The following AGPS variants were observed in gnomAD, a reference collection of about 807,000 sequenced individuals.
The protein encoded by AGPS is alkyldihydroxyacetonephosphate synthase, peroxisomal.
A neutral mutation model predicts 90.7 loss-of-function variants in AGPS; 26 were observed. The observed-to-expected ratio is 0.29, with a 90% CI of 0.21 to 0.40. The LOEUF is 0.40. AGPS is among the 10% of genes least tolerant of loss of function. The pLI is 1.00. For missense variants in AGPS, 540 were observed against 816.1 expected (o/e 0.66, Z 4.12); for synonymous variants, 294 against 285.3 (o/e 1.03, Z -0.31).
At chr2:177,526,418 CG>C (rs2079088140) in intron 19 of AGPS, among the ~76,000 whole-genome samples, 1 of 151,924 alleles carries the variant, frequency 6.6e-6, no homozygotes, top group Non-Finnish European at 1.5e-5. Context: ...TTAGTAGAGA[CG>C]GGTTTTCACC....
chr2:177,533,813 T>G (rs764208735), intron 19 of AGPS, among the ~76,000 whole-genome samples: 19 of 152,180 alleles, frequency 1.2e-4, no homozygotes, highest in Non-Finnish European at 2.4e-4. Context: ...AATGCTCAGA[T>G]CACTCGTATA....
chr2:177,437,661 G>A (rs941239918), intron 5 of AGPS, among the ~76,000 whole-genome samples: 1 of 152,090 alleles, frequency 6.6e-6, no homozygotes, highest in Non-Finnish European at 1.5e-5. Flanking sequence ...AGCAAGATGG[G>A]TATATTGTTC....
intron 17 of AGPS, among the ~76,000 whole-genome samples, chr2:177,514,599 G>T (rs1432930975): frequency 6.6e-6 from 1 of 152,102 alleles, no homozygotes; most frequent in Non-Finnish European, 1.5e-5. Context: ...TCCAAGACTA[G>T]AAATATTTCT....
At chr2:177,457,106 G>A (rs566497417) in intron 8 of AGPS, among the ~76,000 whole-genome samples, 2 of 152,264 alleles carry the variant, frequency 1.3e-5, no homozygotes, top group African/African-American at 4.8e-5. Flanking sequence ...GGTAGATAAC[G>A]AAATGAAGGC....
intron 1 of AGPS, among the ~76,000 whole-genome samples, chr2:177,408,413 A>G (rs1186981718): frequency 6.6e-6 from 1 of 152,242 alleles, no homozygotes; most frequent in African/African-American, 2.4e-5. Flanking sequence ...TTTTATAAAC[A>G]TACATGAACT....
At chr2:177,409,272 G>C (rs1409227452) in intron 1 of AGPS, among the ~76,000 whole-genome samples, 1 of 151,656 alleles carries the variant, frequency 6.6e-6, no homozygotes, top group East Asian at 1.9e-4. Flanking sequence ...AGTGAAAACA[G>C]AGCCCATACA....
chr2:177,405,679 T>TG (rs1559032742), intron 1 of AGPS, among the ~76,000 whole-genome samples: 1 of 151,356 alleles, frequency 6.6e-6, no homozygotes, highest in Admixed American at 6.6e-5. Context: ...TGTTGTTTTT[T>TG]TTTTTTTTTC....
chr2:177,438,749 C>A (rs1686499103), intron 5 of AGPS, among the ~76,000 whole-genome samples: 1 of 152,162 alleles, frequency 6.6e-6, no homozygotes, highest in African/African-American at 2.4e-5. Context: ...GTATTCCTGG[C>A]TGAATCAAGT....
chr2:177,524,164 C>T (rs911874486), intron 19 of AGPS, among the ~76,000 whole-genome samples: 3 of 152,112 alleles, frequency 2.0e-5, no homozygotes, highest in Non-Finnish European at 4.4e-5. Flanking sequence ...CAGCCACTAT[C>T]GGAATGTAGC....
At chr2:177,533,561 C>T (rs1269205081) in intron 19 of AGPS, among the ~76,000 whole-genome samples, 1 of 152,160 alleles carries the variant, frequency 6.6e-6, no homozygotes, top group Non-Finnish European at 1.5e-5. Context: ...AGCTTTGGAT[C>T]TCTAAAGAGA....
intron 19 of AGPS, 120 bp from the exon 20 acceptor site, chr2:177,537,954 C>T (rs1559089238): frequency 7.2e-7 from 1 of 1,396,532 alleles, no homozygotes; most frequent in Non-Finnish European, 1.0e-6. Flanking sequence ...TAAAGCAAAA[C>T]ATTTCTCATT....
intron 14 of AGPS, among the ~76,000 whole-genome samples, chr2:177,504,706 G>T: frequency 6.6e-6 from 1 of 151,972 alleles, no homozygotes; most frequent in Admixed American, 6.6e-5. Context: ...TAATTGAGGT[G>T]ATAAGATAAA....
At chr2:177,531,398 G>A (rs1390045634) in intron 19 of AGPS, among the ~76,000 whole-genome samples, 1 of 152,090 alleles carries the variant, frequency 6.6e-6, no homozygotes, top group Non-Finnish European at 1.5e-5. Flanking sequence ...ACCACTTGCA[G>A]TTGTTCCAAA....
intron 11 of AGPS, among the ~76,000 whole-genome samples, chr2:177,485,167 A>G (rs1233919584): frequency 9.9e-5 from 15 of 152,168 alleles, no homozygotes; most frequent in Admixed American, 9.8e-4. Flanking sequence ...TTCAGTCTGT[A>G]TTGACCAACT....
At chr2:177,448,234 C>G (rs1402209753) in intron 8 of AGPS, among the ~76,000 whole-genome samples, 1 of 152,114 alleles carries the variant, frequency 6.6e-6, no homozygotes, top group East Asian at 1.9e-4. Context: ...GTTTCTTTAC[C>G]TATAAAGTGG....
At chr2:177,482,352 T>C (rs1025953285) in intron 11 of AGPS, among the ~76,000 whole-genome samples, 166 bp downstream of exon 11, 2 of 152,088 alleles carry the variant, frequency 1.3e-5, no homozygotes, top group African/African-American at 4.8e-5. Flanking sequence ...GGTAGTGTTG[T>C]ACAGTCATCC....
rs1371076789 is a variant in AGPS at position 177,541,110 on chromosome 2, T to C, written c.*2915T>C. ...TTGTAGTACTATTACTTAAAAGTTA[T>C]TTATGAAGTTGGGAGCCTTCTAGTT... On this transcript the variant is annotated 3_prime_UTR_variant, in exon 20 of 20. Transcript: ENST00000264167. 1 of 152,132 alleles carries C rather than the reference T, an allele frequency of 6.6e-6. No homozygotes were observed. Among genetic ancestry groups the C allele is most frequent in the East Asian group, 1.9e-4 (1 of 5,198 alleles). 9.4% of individuals were successfully genotyped at this position (152,132 alleles called of 1,614,324 possible).
At chr2:177,433,656 A>G (rs938001416) in intron 2 of AGPS, among the ~76,000 whole-genome samples, 1 of 152,154 alleles carries the variant, frequency 6.6e-6, no homozygotes, top group Non-Finnish European at 1.5e-5. Context: ...GGATTCTGTT[A>G]TATTCCTCTG....
chr2:177,400,857 G>C (rs757347727), intron 1 of AGPS, among the ~76,000 whole-genome samples: 1 of 152,112 alleles, frequency 6.6e-6, no homozygotes, highest in Admixed American at 6.5e-5. Flanking sequence ...ACAGAAGTTC[G>C]CATTTCCAAC....
Sources: gnomAD v4.1 joint callset for allele counts (sites outside exome capture counted in the v4.1 genomes callset) on GRCh38, gnomAD v4.1.1 for gene constraint, MANE v1.5 for transcripts, NCBI Gene and HGNC (gene_info 2026-07-23, HGNC 2026-07-21) for gene names.